Variants in KALRN observed in about 807,000 individuals in gnomAD.
KALRN encodes the protein kalirin RhoGEF kinase, also known as kalirin.
In KALRN, 70 loss-of-function variants were observed where a neutral mutation model predicts 353.7. That is an observed-to-expected ratio of 0.20 (90% CI 0.16 to 0.24). KALRN has a LOEUF of 0.24. Among genes scored for constraint, KALRN ranks in the 10% least tolerant of loss-of-function variants. KALRN has a pLI of 1.00. For synonymous variants in KALRN, 1,391 were observed against 1,434.8 expected (o/e 0.97, Z 0.69); for missense variants, 2,791 against 3,756.7 (o/e 0.74, Z 6.72).
intron 1 of KALRN, among the ~76,000 whole-genome samples, chr3:124,166,277 C>A (rs2070833135): frequency 6.6e-6 from 1 of 152,208 alleles, no homozygotes; most frequent in African/African-American, 2.4e-5. Flanking sequence ...ATGAAGATAG[C>A]GACTTTGTTT....
intron 33 of KALRN, among the ~76,000 whole-genome samples, chr3:124,557,568 T>C (rs945386867): frequency 1.3e-5 from 2 of 152,316 alleles, no homozygotes; most frequent in East Asian, 1.9e-4. Context: ...CCCTTGAAAC[T>C]GTGCCAAGTA....
intron 1 of KALRN, among the ~76,000 whole-genome samples, chr3:124,065,249 G>A (rs1397182099): frequency 6.6e-6 from 1 of 152,210 alleles, no homozygotes; most frequent in Non-Finnish European, 1.5e-5. Context: ...TTCAGCAGCA[G>A]CATATGAGCC....
At chr3:124,701,031 C>T (rs1289325822) in intron 56 of KALRN, among the ~76,000 whole-genome samples, 1 of 152,188 alleles carries the variant, frequency 6.6e-6, no homozygotes, top group Non-Finnish European at 1.5e-5. Context: ...TCTGGGAAAC[C>T]TGAGGGAACT....
chr3:124,289,794 C>A (rs2149128544), intron 5 of KALRN, among the ~76,000 whole-genome samples: 1 of 152,276 alleles, frequency 6.6e-6, no homozygotes, highest in South Asian at 2.1e-4. Context: ...TTAACAATAT[C>A]TTCTTTGTAG....
chr3:124,044,859 C>CTCCCTCCCTCCCTCCCTCCTTCCT (rs2040310196), intron 1 of KALRN, among the ~76,000 whole-genome samples: 1 of 43,228 alleles, frequency 2.3e-5, no homozygotes, highest in African/African-American at 7.5e-5. Context: ...CCCTCCCTCC[C>CTCCCTCCCTCCCTCCCTCCTTCCT]TCCTTCCTTC....
At chr3:124,564,959 G>A (rs187437637) in intron 34 of KALRN, among the ~76,000 whole-genome samples, 4 of 152,366 alleles carry the variant, frequency 2.6e-5, no homozygotes, top group Admixed American at 6.5e-5. Context: ...CTTCTATGCA[G>A]ACCTGTGCTA....
rs547121958 is a variant in KALRN at position 124,120,201 on chromosome 3, C to G, written c.73+86388C>G. Among the ~76,000 whole-genome samples, 63 of 152,258 alleles carry G rather than the reference C, an allele frequency of 4.1e-4. No homozygotes were observed. In the South Asian group the frequency reaches 0.013, roughly 31 times the overall value. On this transcript the variant is annotated intron_variant, in intron 1 of 59. Transcript: ENST00000682506. ...TGGACTGGTTTGGGCTGTAGCCGTT[C>G]CCCCGACAGGGCAGGTGGCTCTGAC...
intron 14 of KALRN, among the ~76,000 whole-genome samples, chr3:124,419,865 C>T (rs1481533048): frequency 1.3e-5 from 2 of 152,140 alleles, no homozygotes; most frequent in South Asian, 2.1e-4. Flanking sequence ...TTTCTAAGAG[C>T]CCCTAAGAAA....
intron 51 of KALRN, among the ~76,000 whole-genome samples, chr3:124,680,239 C>T (rs748956544): frequency 6.6e-6 from 1 of 152,230 alleles, no homozygotes. Context: ...GGACATTTCT[C>T]GCACCCCAGG....
At chr3:124,581,315 C>T (rs1455658045) in intron 34 of KALRN, among the ~76,000 whole-genome samples, 5 of 151,148 alleles carry the variant, frequency 3.3e-5, no homozygotes, top group African/African-American at 2.4e-5. Flanking sequence ...ATTGCTTGAA[C>T]CCGGGAGGCA....
intron 45 of KALRN, among the ~76,000 whole-genome samples, chr3:124,665,182 G>A (rs758009754): frequency 9.2e-5 from 14 of 152,278 alleles, no homozygotes; most frequent in South Asian, 2.1e-4. Context: ...TAGAGTTGCC[G>A]CCTGAGAAAG....
chr3:124,582,700 C>A (rs2074744377), intron 34 of KALRN, among the ~76,000 whole-genome samples: 1 of 150,320 alleles, frequency 6.7e-6, no homozygotes, highest in South Asian at 2.1e-4. Flanking sequence ...TATTATTACT[C>A]ATTAGGTCAT....
intron 1 of KALRN, among the ~76,000 whole-genome samples, chr3:124,043,490 C>T (rs1012002297): frequency 6.6e-6 from 1 of 151,888 alleles, no homozygotes; most frequent in Non-Finnish European, 1.5e-5. Context: ...CAGCTTTGGG[C>T]CAGAGGAGGA....
chr3:124,075,630 G>T (rs181066285), intron 1 of KALRN, among the ~76,000 whole-genome samples: 1 of 152,036 alleles, frequency 6.6e-6, no homozygotes, highest in Non-Finnish European at 1.5e-5. Context: ...TTTCTTGAGG[G>T]TCTGCTATTT....
intron 1 of KALRN, among the ~76,000 whole-genome samples, chr3:124,049,593 G>A (rs777504971): frequency 1.4e-4 from 22 of 152,152 alleles, no homozygotes; most frequent in Non-Finnish European, 2.8e-4. Flanking sequence ...CTGAGCTGGG[G>A]GACTCAGATG....
intron 34 of KALRN, among the ~76,000 whole-genome samples, chr3:124,566,215 AGTCG>A (rs891324145): frequency 1.3e-5 from 2 of 152,310 alleles, no homozygotes; most frequent in Non-Finnish European, 2.9e-5. Context: ...CAAGGACCTA[AGTCG>A]GCCAGGCGCA....
intron 34 of KALRN, among the ~76,000 whole-genome samples, chr3:124,565,335 A>G (rs2072672587): frequency 1.3e-5 from 2 of 152,228 alleles, no homozygotes; most frequent in South Asian, 4.1e-4. Flanking sequence ...AATTGCAGGC[A>G]CAAGAGGAAA....
At chr3:124,191,449 T>C (rs776816287) in intron 1 of KALRN, among the ~76,000 whole-genome samples, 1 of 152,200 alleles carries the variant, frequency 6.6e-6, no homozygotes, top group Non-Finnish European at 1.5e-5. Context: ...CAAAAGACAC[T>C]ATCACTTGAG....
chr3:124,594,286 C>T (rs1025645599), intron 34 of KALRN, among the ~76,000 whole-genome samples: 9 of 152,112 alleles, frequency 5.9e-5, no homozygotes, highest in African/African-American at 1.2e-4. Context: ...AGTGCAGTGG[C>T]GCAATCTTGA....
Sources: allele counts gnomAD v4.1 joint callset (sites outside exome capture counted in the v4.1 genomes callset), GRCh38; gene constraint gnomAD v4.1.1; transcripts MANE v1.5; gene names NCBI Gene and HGNC (gene_info 2026-07-23, HGNC 2026-07-21).